Variants in RBMS3 observed in about 807,000 individuals in gnomAD.
The protein encoded by RBMS3 is RNA-binding motif, single-stranded-interacting protein 3.
RBMS3 carries 27 observed loss-of-function variants against 66.8 expected under a neutral mutation model. That is an observed-to-expected ratio of 0.40 (90% CI 0.30 to 0.56). The LOEUF is 0.56. Among genes scored for constraint, RBMS3 ranks in the 20% least tolerant of loss-of-function variants. The pLI, the probability that RBMS3 is intolerant of heterozygous loss-of-function variation, is 0.40. For synonymous variants in RBMS3, 188 were observed against 183.0 expected, an observed-to-expected ratio of 1.03 and a Z score of -0.22; for missense variants, 513 against 549.5, an observed-to-expected ratio of 0.93 and a Z score of 0.66.
At chr3:29,592,700 C>T (rs1300421918) in intron 4 of RBMS3, among the ~76,000 whole-genome samples, 1 of 152,100 alleles carries the variant, frequency 6.6e-6, no homozygotes, top group Non-Finnish European at 1.5e-5. Context: ...TATGAAGACA[C>T]ATGCACACAT....
chr3:29,739,329 G>A (rs568305331), intron 4 of RBMS3, among the ~76,000 whole-genome samples: 7 of 152,008 alleles, frequency 4.6e-5, no homozygotes, highest in East Asian at 1.9e-4. Flanking sequence ...GGTGGCGGGC[G>A]CCTGTAGTCC....
chr3:29,410,817 A>T, intron 1 of RBMS3, among the ~76,000 whole-genome samples: 1 of 152,162 alleles, frequency 6.6e-6, no homozygotes, highest in Non-Finnish European at 1.5e-5. Context: ...AGGAGAGAAC[A>T]TACAATTTCA....
At chr3:29,706,897 G>A (rs1383225133) in intron 4 of RBMS3, among the ~76,000 whole-genome samples, 2 of 152,184 alleles carry the variant, frequency 1.3e-5, no homozygotes, top group Non-Finnish European at 2.9e-5. Context: ...GGAGTGGAAG[G>A]AAAGGAAATA....
intron 3 of RBMS3, among the ~76,000 whole-genome samples, chr3:29,561,854 T>C (rs890279259): frequency 5.9e-5 from 9 of 152,244 alleles, no homozygotes; most frequent in Non-Finnish European, 1.3e-4. Flanking sequence ...ATGTGATTTT[T>C]GGCCACATGT....
At chr3:29,643,927 T>C (rs920359830) in intron 4 of RBMS3, among the ~76,000 whole-genome samples, 2 of 152,184 alleles carry the variant, frequency 1.3e-5, no homozygotes, top group Non-Finnish European at 2.9e-5. Flanking sequence ...TCTGAAAACC[T>C]CCGTTTAGGA....
In RBMS3 at chr3:29,801,272, C is replaced by CTTTTTTTTTTTTTTT. The variant is rs200997680; in HGVS notation, c.637+38296_637+38297insTTTTTTTTTTTTTTT. On this transcript the variant is annotated intron_variant, in intron 6 of 14. Coordinates refer to ENST00000383767, the MANE Select transcript of RBMS3 (RefSeq NM_001003793.3). Reference sequence around the variant, plus strand: ...AACTTGAAGAATCATTGCTTTTTTTCTTTTTTTTTTTTTGAGACAAAGTCT... The same window carrying CTTTTTTTTTTTTTTT: ...AACTTGAAGAATCATTGCTTTTTTTCTTTTTTTTTTTTTTTTTTTTTTTTTTTTGAGACAAAGTCT... Among the ~76,000 whole-genome samples the CTTTTTTTTTTTTTTT allele has an allele frequency of 4.5e-4, 58 of 129,450 alleles. 1 individual carries two copies. The highest frequency in any genetic ancestry group is 7.0e-4 in the Non-Finnish European group (43 of 61,776). The allele number at this position is 129,450 out of a possible 152,430, so 84.9% of individuals were successfully genotyped here.
intron 2 of RBMS3, among the ~76,000 whole-genome samples, chr3:29,446,549 A>C (rs1245759435): frequency 6.6e-6 from 1 of 152,146 alleles, no homozygotes; most frequent in Non-Finnish European, 1.5e-5. Context: ...ATCAGAATAA[A>C]TACATACAAT....
chr3:29,642,366 A>G (rs1326536616), intron 4 of RBMS3, among the ~76,000 whole-genome samples: 1 of 152,046 alleles, frequency 6.6e-6, no homozygotes, highest in African/African-American at 2.4e-5. Context: ...TTGATCATCT[A>G]TGTTTATTTT....
chr3:29,526,990 C>G (rs936892427), intron 3 of RBMS3, among the ~76,000 whole-genome samples: 2 of 151,828 alleles, frequency 1.3e-5, no homozygotes, highest in Admixed American at 1.3e-4. Flanking sequence ...TTAATGGACT[C>G]TAGTTACCAA....
At chr3:29,402,565 T>C (rs940892668) in intron 1 of RBMS3, among the ~76,000 whole-genome samples, 8 of 152,044 alleles carry the variant, frequency 5.3e-5, no homozygotes, top group Non-Finnish European at 1.0e-4. Flanking sequence ...GGCAATGAGT[T>C]AGCTGTATCA....
intron 3 of RBMS3, among the ~76,000 whole-genome samples, chr3:29,517,450 G>C (rs1461342363): frequency 2.6e-5 from 4 of 151,780 alleles, no homozygotes; most frequent in African/African-American, 9.7e-5. Context: ...AGCCTTCCTA[G>C]TATTCAGGAC....
At chr3:29,852,978 C>T (rs544967956) in intron 6 of RBMS3, among the ~76,000 whole-genome samples, 1 of 152,244 alleles carries the variant, frequency 6.6e-6, no homozygotes, top group East Asian at 1.9e-4. Flanking sequence ...ACTATGCAGC[C>T]ATAAACAAGA....
intron 1 of RBMS3, among the ~76,000 whole-genome samples, chr3:29,315,489 T>C (rs2034618755): frequency 6.6e-6 from 1 of 151,748 alleles, no homozygotes; most frequent in South Asian, 2.1e-4. Context: ...CACATTTAGC[T>C]ACACATATAT....
At chr3:29,543,525 A>G (rs1037505512) in intron 3 of RBMS3, among the ~76,000 whole-genome samples, 14 of 152,246 alleles carry the variant, frequency 9.2e-5, no homozygotes, top group African/African-American at 3.4e-4. Context: ...CCTGGGCAAC[A>G]TAGTGAGACC....
At chr3:29,951,130 C>T (rs1350108413) in intron 12 of RBMS3, among the ~76,000 whole-genome samples, 1 of 151,764 alleles carries the variant, frequency 6.6e-6, no homozygotes, top group Non-Finnish European at 1.5e-5. Flanking sequence ...ACAAATTCAA[C>T]TTGGAAGTAC....
At chr3:29,963,105 C>G (rs1696594350) in intron 12 of RBMS3, among the ~76,000 whole-genome samples, 1 of 151,404 alleles carries the variant, frequency 6.6e-6, no homozygotes, top group African/African-American at 2.4e-5. Flanking sequence ...GAAAAATGAT[C>G]AAAATGCAAA....
At chr3:29,579,511 C>G (rs1407206143) in intron 3 of RBMS3, among the ~76,000 whole-genome samples, 1 of 152,108 alleles carries the variant, frequency 6.6e-6, no homozygotes, top group Non-Finnish European at 1.5e-5. Context: ...GTTTGCCTAT[C>G]CTAAATTGGG....
chr3:29,359,221 A>G (rs2037410541), intron 1 of RBMS3, among the ~76,000 whole-genome samples: 1 of 152,182 alleles, frequency 6.6e-6, no homozygotes, highest in Non-Finnish European at 1.5e-5. Context: ...GATACATCCC[A>G]TCAATACCTA....
chr3:29,686,161 C>T (rs1205696302), intron 4 of RBMS3, among the ~76,000 whole-genome samples: 1 of 152,166 alleles, frequency 6.6e-6, no homozygotes, highest in African/African-American at 2.4e-5. Flanking sequence ...CGTAGGCTAA[C>T]AGTTCTTTTC....
Sources: gnomAD v4.1 joint callset for allele counts (sites outside exome capture counted in the v4.1 genomes callset) on GRCh38, gnomAD v4.1.1 for gene constraint, MANE v1.5 for transcripts, NCBI Gene and HGNC (gene_info 2026-07-23, HGNC 2026-07-21) for gene names.